Variants in FGD5 observed in about 807,000 individuals in gnomAD.
FGD5 encodes FYVE, RhoGEF and PH domain containing 5, also known as FYVE, RhoGEF and PH domain-containing protein 5.
Under a neutral mutation model 133.4 loss-of-function variants are expected in FGD5, and 28 were observed. The observed-to-expected ratio is 0.21, with a 90% confidence interval of 0.16 to 0.29. The LOEUF (loss-of-function observed/expected upper bound fraction) is 0.29, where lower values mean the gene tolerates loss of function less well. Among genes scored for constraint, FGD5 ranks in the 10% least tolerant of loss-of-function variants. The pLI is 1.00. For synonymous variants in FGD5, 810 were observed against 776.5 expected (o/e 1.04, Z -0.72); for missense variants, 1,858 against 1,895.2 (o/e 0.98, Z 0.36).
intron 4 of FGD5, among the ~76,000 whole-genome samples, chr3:14,887,587 C>A (rs2037948202): frequency 6.6e-6 from 1 of 152,056 alleles, no homozygotes; most frequent in African/African-American, 2.4e-5. Flanking sequence ...TTCCTGAGCA[C>A]CTGGTCTGGG....
chr3:14,900,604 G>T (rs535843356), intron 8 of FGD5, among the ~76,000 whole-genome samples, 151 bp downstream of exon 8: 32 of 152,258 alleles, frequency 2.1e-4, no homozygotes, highest in African/African-American at 7.7e-4. Flanking sequence ...TTGGACTTCT[G>T]TGAGAGCCCA....
intron 1 of FGD5, among the ~76,000 whole-genome samples, chr3:14,842,887 G>T (rs542484628): frequency 2.0e-5 from 3 of 152,294 alleles, no homozygotes; most frequent in African/African-American, 7.2e-5. Context: ...AGAAAGGTGG[G>T]TGTCAAACCC....
intron 1 of FGD5, among the ~76,000 whole-genome samples, chr3:14,850,291 T>C (rs1687318): frequency 0.75 from 114,870 of 152,204 alleles, 43,565 homozygotes; most frequent in East Asian, 0.97. Flanking sequence ...CATCCTTCAG[T>C]ATCAGCTGAA....
chr3:14,929,829 A>G (rs1246122139), intron 18 of FGD5, among the ~76,000 whole-genome samples: 1 of 152,198 alleles, frequency 6.6e-6, no homozygotes, highest in Non-Finnish European at 1.5e-5. Context: ...TGAATGAATG[A>G]ATGAATCTTT....
chr3:14,858,435 G>A (rs2037331394), intron 1 of FGD5, among the ~76,000 whole-genome samples: 1 of 152,078 alleles, frequency 6.6e-6, no homozygotes, highest in African/African-American at 2.4e-5. Context: ...GAGTGGATGG[G>A]TAGGTAGTTG....
At chr3:14,923,690 G>A (rs2038731824) in intron 16 of FGD5, among the ~76,000 whole-genome samples, 1 of 152,122 alleles carries the variant, frequency 6.6e-6, no homozygotes, top group Non-Finnish European at 1.5e-5. Context: ...GTGTATCTTG[G>A]GCCTAAAACT....
chr3:14,831,401 G>A, intron 1 of FGD5, among the ~76,000 whole-genome samples: 1 of 152,222 alleles, frequency 6.6e-6, no homozygotes, highest in South Asian at 2.1e-4. Flanking sequence ...GCCCTTCCAA[G>A]TGGTTCTTGG....
intron 16 of FGD5, among the ~76,000 whole-genome samples, chr3:14,923,727 C>T (rs1301251948): frequency 2.6e-5 from 4 of 152,294 alleles, no homozygotes; most frequent in South Asian, 2.1e-4. Flanking sequence ...CTCCACTCCA[C>T]GGGGCTGGAC....
At chr3:14,923,554 T>TC (rs1347620397) in intron 16 of FGD5, among the ~76,000 whole-genome samples, 1 of 151,528 alleles carries the variant, frequency 6.6e-6, no homozygotes, top group Non-Finnish European at 1.5e-5. Context: ...GGAGCTGGGG[T>TC]CAGGGAGGGG....
chr3:14,845,812 C>T (rs1486174733), intron 1 of FGD5, among the ~76,000 whole-genome samples: 2 of 152,188 alleles, frequency 1.3e-5, no homozygotes, highest in Non-Finnish European at 2.9e-5. Flanking sequence ...TATGTTCAGA[C>T]CCTGGGATAC....
intron 9 of FGD5, among the ~76,000 whole-genome samples, chr3:14,903,197 G>A (rs1440266220): frequency 6.6e-6 from 1 of 152,146 alleles, no homozygotes; most frequent in Admixed American, 6.5e-5. Flanking sequence ...ATTCCAGTCT[G>A]CACCCCAGCC....
chr3:14,839,529 G>A (rs1559475167), intron 1 of FGD5, among the ~76,000 whole-genome samples: 1 of 152,238 alleles, frequency 6.6e-6, no homozygotes, highest in South Asian at 2.1e-4. Context: ...CAGCACAGGG[G>A]CACAGAGGTC....
intron 18 of FGD5, among the ~76,000 whole-genome samples, chr3:14,926,908 T>A (rs1191024108): frequency 6.6e-6 from 1 of 152,164 alleles, no homozygotes; most frequent in Non-Finnish European, 1.5e-5. Flanking sequence ...GGGTGGGTGC[T>A]TTGCTCCACT....
intron 1 of FGD5, among the ~76,000 whole-genome samples, chr3:14,838,261 G>A (rs979574611): frequency 6.6e-6 from 1 of 152,038 alleles, no homozygotes; most frequent in Non-Finnish European, 1.5e-5. Flanking sequence ...ACTCTTTCTC[G>A]TGCTCTGAAT....
chr3:14,923,161 C>T lies in FGD5; in HGVS notation c.3923C>T (p.Pro1308Leu), dbSNP rs2038721836. The change falls in exon 16 of 20, where the codon CCG becomes CTG. Residue 1308 changes from proline (P) to leucine (L), a missense_variant. This residue lies in a region of FGD5 where 1,824 missense variants were observed against 1,848.9 expected (regional missense o/e 0.99). Coordinates refer to ENST00000285046, the MANE Select transcript of FGD5 (RefSeq NM_152536.4). ...CTGAAGAAGCGGGGCAGGGCTGTCCCGGGCCTGATGAGAGGTAACCTGGGG... is the reference window on the plus strand; with the variant it reads ...CTGAAGAAGCGGGGCAGGGCTGTCCTGGGCCTGATGAGAGGTAACCTGGGG... ...GELKKRGRAVPGLMRERPVSM... is the reference protein window; with the variant it reads ...GELKKRGRAVLGLMRERPVSM... The T allele has an allele frequency of 1.9e-6, 3 of 1,613,184 alleles. No individual in the cohort carries two copies. Among genetic ancestry groups the T allele is most frequent in the Non-Finnish European group, 2.5e-6 (3 of 1,179,734 alleles).
chr3:14,913,847 G>A (rs1178197968), intron 11 of FGD5, among the ~76,000 whole-genome samples: 1 of 152,136 alleles, frequency 6.6e-6, no homozygotes, highest in Non-Finnish European at 1.5e-5. Context: ...TCCCCTTCAA[G>A]CCAAGCTCAG....
upstream of FGD5, among the ~76,000 whole-genome samples, chr3:14,816,547 A>G (rs1473017475): frequency 6.6e-6 from 1 of 152,214 alleles, no homozygotes; most frequent in Admixed American, 6.5e-5. Flanking sequence ...CAGATGAGGA[A>G]ACTGAGGCTG....
chr3:14,811,155 A>G (rs1455149747), intron 1 of FGD5, among the ~76,000 whole-genome samples: 1 of 151,984 alleles, frequency 6.6e-6, no homozygotes, highest in Non-Finnish European at 1.5e-5. Flanking sequence ...CGTTCCCCGG[A>G]GTGAGGGTCC....
intron 2 of FGD5, among the ~76,000 whole-genome samples, chr3:14,879,750 G>A (rs761092881): frequency 5.3e-5 from 8 of 152,176 alleles, no homozygotes; most frequent in East Asian, 1.9e-4. Flanking sequence ...AGCCCAGCCC[G>A]TTGAGCAGGG....
Sources: allele counts gnomAD v4.1 joint callset (sites outside exome capture counted in the v4.1 genomes callset), GRCh38; gene constraint gnomAD v4.1.1; regional missense constraint gnomAD v4.1.1; transcripts MANE v1.5; gene names NCBI Gene and HGNC (gene_info 2026-07-23, HGNC 2026-07-21).